Variants in NTM observed in about 807,000 individuals in gnomAD.
The protein encoded by NTM is IgLON family member 2.
NTM carries 13 observed loss-of-function variants against 42.1 expected under a neutral mutation model. The ratio of observed to expected loss-of-function variants is 0.31; its 90% CI spans 0.20 to 0.49. The LOEUF is 0.49. Ranked by LOEUF, NTM falls within the 20% of genes least tolerant of loss-of-function variation. NTM has a pLI of 0.99. For missense variants in NTM, 373 were observed against 452.8 expected, an observed-to-expected ratio of 0.82 and a Z score of 1.60; for synonymous variants, 187 against 179.2, an observed-to-expected ratio of 1.04 and a Z score of -0.35.
At chr11:131,471,444 C>T (rs1952433900) in intron 1 of NTM, among the ~76,000 whole-genome samples, 1 of 152,186 alleles carries the variant, frequency 6.6e-6, no homozygotes, top group Non-Finnish European at 1.5e-5. Context: ...ACACCATCAT[C>T]ACATGAGTTA....
chr11:132,099,326 C>T (rs901598330), intron 2 of NTM, among the ~76,000 whole-genome samples: 1 of 152,130 alleles, frequency 6.6e-6, no homozygotes, highest in Admixed American at 6.5e-5. Flanking sequence ...GTCTTCTAAT[C>T]CAGTGGTGGT....
At chr11:131,994,631 A>T (rs533805432) in intron 2 of NTM, among the ~76,000 whole-genome samples, 2 of 151,938 alleles carry the variant, frequency 1.3e-5, no homozygotes, top group East Asian at 3.9e-4. Context: ...TCAGGGTTTC[A>T]TCATAAGCAC....
Position 131,370,638 on chromosome 11 carries a change from G to A in NTM, c.-169G>A, listed in dbSNP as rs1275739689. ...CCAGAGTATGAGTGGAGATAATTACGGAGAAGTCATACTCTCTCACACCCT... is the reference window on the plus strand; with the variant it reads ...CCAGAGTATGAGTGGAGATAATTACAGAGAAGTCATACTCTCTCACACCCT... On this transcript the variant is annotated 5_prime_UTR_variant, in exon 1 of 9. Transcript: ENST00000683400. The A allele has an allele frequency of 1.1e-5, 7 of 611,292 alleles. 1 individual carries two copies. Among genetic ancestry groups the A allele is most frequent in the South Asian group, 6.1e-5 (3 of 48,790 alleles). 37.9% of individuals were successfully genotyped at this position (611,292 alleles called of 1,614,324 possible).
chr11:131,378,280 C>T (rs560481755), intron 1 of NTM, among the ~76,000 whole-genome samples: 1 of 152,336 alleles, frequency 6.6e-6, no homozygotes, highest in South Asian at 2.1e-4. Flanking sequence ...TCAGTTTTCT[C>T]ACTCTAAAAT....
At chr11:131,550,402 G>T (rs2054508228) in intron 1 of NTM, among the ~76,000 whole-genome samples, 1 of 152,136 alleles carries the variant, frequency 6.6e-6, no homozygotes, top group Admixed American at 6.5e-5. Flanking sequence ...TTGGAAGTGG[G>T]GTCTGCTGAA....
intron 1 of NTM, among the ~76,000 whole-genome samples, chr11:131,477,500 A>G (rs1417996974): frequency 2.0e-5 from 3 of 151,764 alleles, no homozygotes; most frequent in African/African-American, 7.3e-5. Flanking sequence ...AGAGGAGGAG[A>G]GAGTACAGAG....
intron 1 of NTM, among the ~76,000 whole-genome samples, chr11:131,434,343 G>C (rs1364645938): frequency 1.3e-5 from 2 of 152,184 alleles, no homozygotes; most frequent in Admixed American, 1.3e-4. Context: ...TCTAGTTCTA[G>C]ATCCTTGAGG....
At chr11:132,014,828 C>T (rs1198201585) in intron 2 of NTM, among the ~76,000 whole-genome samples, 1 of 142,034 alleles carries the variant, frequency 7.0e-6, no homozygotes, top group African/African-American at 2.6e-5. Flanking sequence ...AATACTTTCT[C>T]CCATTCCACA....
chr11:132,317,731 T>G, intron 7 of NTM: 1 of 1,248,850 alleles, frequency 8.0e-7, no homozygotes, highest in Non-Finnish European at 1.1e-6. Context: ...TCCCCTTCCC[T>G]CTATCCCAGA....
At chr11:132,277,823 AAT>A (rs140195880) in intron 4 of NTM, among the ~76,000 whole-genome samples, 3 of 151,610 alleles carry the variant, frequency 2.0e-5, no homozygotes, top group African/African-American at 7.3e-5. Context: ...ATCATGCTAA[AAT>A]ATATATATAT....
intron 1 of NTM, among the ~76,000 whole-genome samples, chr11:131,858,163 C>T (rs11222819): frequency 0.099 from 15,116 of 152,142 alleles, 1,074 homozygotes; most frequent in East Asian, 0.37. Flanking sequence ...GAAATGCTAA[C>T]CCTTGCCTTC....
At chr11:132,066,361 G>A (rs1293662450) in intron 2 of NTM, among the ~76,000 whole-genome samples, 1 of 152,140 alleles carries the variant, frequency 6.6e-6, no homozygotes, top group African/African-American at 2.4e-5. Flanking sequence ...AGAGCTAGCT[G>A]GATATTCATC....
chr11:132,212,165 T>G lies in NTM; in HGVS notation c.526+18T>G, dbSNP rs1393086610. 3 of 1,605,350 alleles carry G rather than the reference T, an allele frequency of 1.9e-6. No individual in the cohort carries two copies. Among genetic ancestry groups the G allele is most frequent in the Admixed American group, 3.4e-5 (2 of 58,346 alleles). ...TCCCAAAGGTAAGAGAACAGTTTGT[T>G]GCATTGCATCATGAGGATAAATGGG... On this transcript the variant is annotated intron_variant, in intron 4 of 8. Transcript: ENST00000683400.
intron 2 of NTM, among the ~76,000 whole-genome samples, chr11:132,004,411 C>T (rs2070221422): frequency 6.6e-6 from 1 of 152,112 alleles, no homozygotes; most frequent in Non-Finnish European, 1.5e-5. Flanking sequence ...GATCCCTGTG[C>T]AAATGCATTT....
chr11:131,789,930 T>C (rs1444339137), intron 1 of NTM, among the ~76,000 whole-genome samples: 28 of 112,572 alleles, frequency 2.5e-4, no homozygotes, highest in East Asian at 8.8e-4. Context: ...CACTCCAGCC[T>C]GGGCGACAGA....
chr11:131,596,323 T>C (rs1414303054), intron 1 of NTM, among the ~76,000 whole-genome samples: 1 of 152,138 alleles, frequency 6.6e-6, no homozygotes, highest in African/African-American at 2.4e-5. Context: ...TAGTAAAGAG[T>C]GAGACAGTGA....
At chr11:132,300,388 C>T (rs2094799761) in intron 4 of NTM, among the ~76,000 whole-genome samples, 1 of 152,162 alleles carries the variant, frequency 6.6e-6, no homozygotes, top group Admixed American at 6.5e-5. Context: ...CTCCATTTTA[C>T]AGAAGAGGAA....
intron 2 of NTM, among the ~76,000 whole-genome samples, chr11:132,137,795 C>A (rs1003866804): frequency 6.6e-6 from 1 of 152,144 alleles, no homozygotes; most frequent in African/African-American, 2.4e-5. Context: ...CGACTCCTGC[C>A]ACTGCTTCCC....
At chr11:132,218,259 C>T (rs2084342392) in intron 4 of NTM, among the ~76,000 whole-genome samples, 1 of 152,180 alleles carries the variant, frequency 6.6e-6, no homozygotes, top group Admixed American at 6.5e-5. Flanking sequence ...AACCACCCAA[C>T]ACCAAAGGAC....
Sources: allele counts gnomAD v4.1 joint callset (sites outside exome capture counted in the v4.1 genomes callset), GRCh38; gene constraint gnomAD v4.1.1; transcripts MANE v1.5; gene names NCBI Gene and HGNC (gene_info 2026-07-23, HGNC 2026-07-21).